CCDC60: variants seen among roughly 807,000 people sequenced by gnomAD.
CCDC60 encodes the protein coiled-coil domain-containing protein 60.
Under a neutral mutation model 63.5 loss-of-function variants are expected in CCDC60, and 54 were observed. The observed-to-expected ratio is 0.85, with a 90% CI of 0.68 to 1.07. The LOEUF is 1.07. Ranked by LOEUF, CCDC60 falls within the 50% of genes least tolerant of loss-of-function variation. The pLI is 0.00. For synonymous variants in CCDC60, 206 were observed against 238.8 expected, an observed-to-expected ratio of 0.86 and a Z score of 1.27; for missense variants, 651 against 684.3, an observed-to-expected ratio of 0.95 and a Z score of 0.54.
chr12:119,386,315 T>C (rs780671379), intron 1 of CCDC60, among the ~76,000 whole-genome samples: 1 of 152,156 alleles, frequency 6.6e-6, no homozygotes, highest in Non-Finnish European at 1.5e-5. Context: ...TTTCTTCTGC[T>C]CTTGCCCTGG....
At chr12:119,510,418 C>G (rs1952183073) in intron 7 of CCDC60, among the ~76,000 whole-genome samples, 1 of 152,158 alleles carries the variant, frequency 6.6e-6, no homozygotes, top group Non-Finnish European at 1.5e-5. Context: ...ACCTTCAAGA[C>G]CCAGTTCAAA....
Position 119,456,007 on chromosome 12 carries a change from GAAAGAAAGAAAGAAAGAAAGAAAGAA to G in CCDC60, c.171-15985_171-15960del, listed in dbSNP as rs1950731795. Among the ~76,000 whole-genome samples the G allele has an allele frequency of 4.0e-4, 45 of 113,504 alleles. 1 individual carries two copies. The highest frequency in any genetic ancestry group is 4.3e-3 in the Middle Eastern group (1 of 234). The allele number at this position is 113,504 out of a possible 152,430, so 74.5% of individuals were successfully genotyped here. ...AGAGAAAGAGAGAGAGAAAGAGAAA[GAAAGAAAGAAAGAAAGAAAGAAAGAA>G]AGAAAGAAAGAAAGAAAGAAAGAAA... On this transcript the variant is annotated intron_variant, in intron 2 of 13. Transcript: ENST00000327554. The surrounding 1 kb of genome is among the most constrained non-coding windows in gnomAD (Gnocchi z 4.6).
At chr12:119,497,688 G>C (rs1951744566) in intron 5 of CCDC60, among the ~76,000 whole-genome samples, 1 of 152,078 alleles carries the variant, frequency 6.6e-6, no homozygotes, top group South Asian at 2.1e-4. Context: ...GGCTCAGCAG[G>C]GGCTGCGTTA....
intron 1 of CCDC60, among the ~76,000 whole-genome samples, chr12:119,352,285 C>A (rs763100762): frequency 6.6e-6 from 1 of 152,162 alleles, no homozygotes; most frequent in African/African-American, 2.4e-5. Flanking sequence ...TACAGTTCAA[C>A]CTGAGATTTG....
At chr12:119,353,525 T>C (rs1383699363) in intron 1 of CCDC60, among the ~76,000 whole-genome samples, 1 of 151,418 alleles carries the variant, frequency 6.6e-6, no homozygotes, top group East Asian at 1.9e-4. Flanking sequence ...TTTCTCTCTC[T>C]CTGTCTCTCA....
chr12:119,476,833 C>A (rs1327419123), intron 3 of CCDC60, among the ~76,000 whole-genome samples: 1 of 152,180 alleles, frequency 6.6e-6, no homozygotes, highest in Non-Finnish European at 1.5e-5. Context: ...TCTACAGAGT[C>A]TTTACACATG....
chr12:119,422,930 C>T (rs1343080959), intron 1 of CCDC60, among the ~76,000 whole-genome samples: 1 of 151,990 alleles, frequency 6.6e-6, no homozygotes, highest in African/African-American at 2.4e-5. Flanking sequence ...TACTTTTGCA[C>T]CAACACAACA....
intron 1 of CCDC60, among the ~76,000 whole-genome samples, chr12:119,361,175 G>GGAGAGGGAGAGGGAGAGGGAGAC: frequency 7.5e-6 from 1 of 133,074 alleles, no homozygotes; most frequent in Non-Finnish European, 1.6e-5. Flanking sequence ...ATGGGGAGAG[G>GGAGAGGGAGAGGGAGAGGGAGAC]GAGAGGGAGA....
intron 2 of CCDC60, among the ~76,000 whole-genome samples, chr12:119,447,177 T>C (rs912072858): frequency 1.3e-5 from 2 of 151,780 alleles, no homozygotes; most frequent in African/African-American, 4.8e-5. Flanking sequence ...TGAGGACGAG[T>C]GTCAGGTAAC....
rs556783132 is a variant in CCDC60, at chr12:119,418,386, C to CTTTTTTTTTTTTTTTT, written c.91-10266_91-10251dup. ...TCTTTCTTTTTCCTTTTCTTTCTTT[C>CTTTTTTTTTTTTTTTT]TTTTTTTTTTTTTTTTTTTTTTTTT... On this transcript the variant is annotated intron_variant, in intron 1 of 13. Coordinates refer to ENST00000327554, the MANE Select transcript of CCDC60 (RefSeq NM_178499.5). Among the ~76,000 whole-genome samples the CTTTTTTTTTTTTTTTT allele has an allele frequency of 4.7e-4, 31 of 65,758 alleles. 4 individuals are homozygous for CTTTTTTTTTTTTTTTT. The highest frequency in any genetic ancestry group is 7.2e-4 in the Non-Finnish European group (27 of 37,252). The allele number at this position is 65,758 out of a possible 152,430, so 43.1% of individuals were successfully genotyped here.
chr12:119,377,772 T>C (rs1333989512), intron 1 of CCDC60, among the ~76,000 whole-genome samples: 1 of 152,178 alleles, frequency 6.6e-6, no homozygotes, highest in Non-Finnish European at 1.5e-5. Context: ...ATTTAACCGC[T>C]GTGTGAACAC....
intron 1 of CCDC60, among the ~76,000 whole-genome samples, chr12:119,338,332 C>A (rs188632279): frequency 1.3e-5 from 2 of 152,050 alleles, no homozygotes; most frequent in South Asian, 4.1e-4. Context: ...ATGATCATGA[C>A]GATAGTTGGC....
At chr12:119,459,747 GA>G (rs1484124084) in intron 2 of CCDC60, among the ~76,000 whole-genome samples, 1 of 152,166 alleles carries the variant, frequency 6.6e-6, no homozygotes, top group African/African-American at 2.4e-5. Flanking sequence ...CTCAGTGCAA[GA>G]AGATAAGCTT....
In CCDC60 at chr12:119,506,287, T is replaced by C. The variant is rs550354837; in HGVS notation, c.883+984T>C. Among the ~76,000 whole-genome samples, 7 of 152,036 alleles carry C rather than the reference T, an allele frequency of 4.6e-5. No homozygotes were observed. The South Asian group carries it at 1.5e-3, about 32-fold the overall frequency. Reference sequence around the variant, plus strand: ...AAAGTCTTTTCAGTGGCTCAAAATATGAGGGAGACAAGTCCCTTAAAAATA... The same window carrying C: ...AAAGTCTTTTCAGTGGCTCAAAATACGAGGGAGACAAGTCCCTTAAAAATA... On this transcript the variant is annotated intron_variant, in intron 7 of 13. Coordinates refer to ENST00000327554, the MANE Select transcript of CCDC60 (RefSeq NM_178499.5).
intron 1 of CCDC60, among the ~76,000 whole-genome samples, chr12:119,342,429 T>A (rs2136143712): frequency 6.6e-6 from 1 of 152,338 alleles, no homozygotes; most frequent in Non-Finnish European, 1.5e-5. Context: ...GCGATGGTGA[T>A]ATTGAAGATG....
chr12:119,408,979 T>A (rs1956544990), intron 1 of CCDC60, among the ~76,000 whole-genome samples: 2 of 152,212 alleles, frequency 1.3e-5, no homozygotes, highest in Non-Finnish European at 2.9e-5. Flanking sequence ...GAAGCCATGT[T>A]TATCCTGTAA....
Position 119,428,715 on chromosome 12 carries a change from T to C in CCDC60, c.123T>C (p.Tyr41=). 6.2e-7 allele frequency: 1 copy of C among 1,607,848 alleles called. No homozygotes were observed. The highest frequency in any genetic ancestry group is 8.5e-7 in the Non-Finnish European group (1 of 1,176,302). Reference sequence around the variant, plus strand: ...ACAAGCCAATGAAGAGCATCAAGTATATGGACAAGGAAATAATAAACCTCA... The same window carrying C: ...ACAAGCCAATGAAGAGCATCAAGTACATGGACAAGGAAATAATAAACCTCA... ...VPDKPMKSIK[Y]MDKEIINLKK... is the part of the protein sequence containing the mutation. Residue 41 remains tyrosine (Y), a synonymous_variant, in exon 2 of 14, where the codon TAT becomes TAC. Transcript: ENST00000327554.
At chr12:119,450,145 G>C (rs1050105373) in intron 2 of CCDC60, among the ~76,000 whole-genome samples, 5 of 151,742 alleles carry the variant, frequency 3.3e-5, no homozygotes, top group African/African-American at 1.2e-4. Flanking sequence ...ATTATCTTAA[G>C]TGAAATAACT....
chr12:119,361,950 A>T (rs1955795432), intron 1 of CCDC60, among the ~76,000 whole-genome samples: 3 of 152,234 alleles, frequency 2.0e-5, no homozygotes, highest in Non-Finnish European at 4.4e-5. Context: ...TATAATGAGT[A>T]TGGCCATATA....
Sources: allele counts gnomAD v4.1 joint callset (sites outside exome capture counted in the v4.1 genomes callset), GRCh38; gene constraint gnomAD v4.1.1; non-coding constraint Gnocchi (gnomAD v3.1); transcripts MANE v1.5; gene names NCBI Gene and HGNC (gene_info 2026-07-23, HGNC 2026-07-21).